Variants in GRM1 observed in about 807,000 individuals in gnomAD.
GRM1 encodes metabotropic glutamate receptor 1.
In GRM1, 33 loss-of-function variants were observed where a neutral mutation model predicts 90.9. The observed-to-expected ratio is 0.36, with a 90% confidence interval of 0.28 to 0.49. GRM1 has a LOEUF of 0.49. Among genes scored for constraint, GRM1 ranks in the 20% least tolerant of loss-of-function variants. The pLI, the probability that GRM1 is intolerant of heterozygous loss-of-function variation, is 0.99. For synonymous variants in GRM1, 700 were observed against 613.2 expected (o/e 1.14, Z -2.09); for missense variants, 1,190 against 1,534.3 (o/e 0.78, Z 3.75).
chr6:146,393,614 G>A (rs1216870082), intron 6 of GRM1, among the ~76,000 whole-genome samples: 9 of 151,944 alleles, frequency 5.9e-5, no homozygotes. Flanking sequence ...AAGGAAGTAA[G>A]AGGACACAAA....
At chr6:146,203,486 A>G (rs1289346628) in intron 2 of GRM1, among the ~76,000 whole-genome samples, 1 of 152,188 alleles carries the variant, frequency 6.6e-6, no homozygotes, top group Non-Finnish European at 1.5e-5. Context: ...TTCATCAACT[A>G]GAACTTAGCC....
At chr6:146,291,520 C>G (rs573046810) in intron 2 of GRM1, among the ~76,000 whole-genome samples, 2 of 151,634 alleles carry the variant, frequency 1.3e-5, no homozygotes, top group South Asian at 4.1e-4. Flanking sequence ...TGTTATTATT[C>G]TAAGAAAGTC....
chr6:146,183,676 C>G (rs1011044335), intron 2 of GRM1, among the ~76,000 whole-genome samples: 1 of 152,086 alleles, frequency 6.6e-6, no homozygotes, highest in African/African-American at 2.4e-5. Context: ...TTGTGTCTTT[C>G]TTAAGTAACT....
intron 1 of GRM1, among the ~76,000 whole-genome samples, chr6:146,132,271 A>C (rs916773096): frequency 6.6e-6 from 1 of 151,948 alleles, no homozygotes; most frequent in African/African-American, 2.4e-5. Context: ...GGAGAGGAAA[A>C]ACAGTGGATG....
chr6:146,165,316 CAT>C (rs1166033217), intron 2 of GRM1, among the ~76,000 whole-genome samples: 1 of 152,026 alleles, frequency 6.6e-6, no homozygotes, highest in Non-Finnish European at 1.5e-5. Flanking sequence ...ATCCTTGAAA[CAT>C]AAGATTATAT....
At chr6:146,373,589 G>A (rs1008575268) in intron 5 of GRM1, among the ~76,000 whole-genome samples, 2 of 152,080 alleles carry the variant, frequency 1.3e-5, no homozygotes, top group Admixed American at 1.3e-4. Flanking sequence ...GGGGATGGGG[G>A]CGGACACAGA....
At chr6:146,062,794 C>T (rs1775719674) in intron 1 of GRM1, among the ~76,000 whole-genome samples, 1 of 152,060 alleles carries the variant, frequency 6.6e-6, no homozygotes, top group Non-Finnish European at 1.5e-5. Flanking sequence ...CTACAATCTG[C>T]TCTTATTCTG....
chr6:146,038,381 G>A (rs573627409), intron 1 of GRM1, among the ~76,000 whole-genome samples: 4 of 152,026 alleles, frequency 2.6e-5, no homozygotes, highest in Non-Finnish European at 4.4e-5. Flanking sequence ...TGCTTAGAGA[G>A]CTATCAGGGT....
intron 7 of GRM1, chr6:146,426,719 T>C (rs1324578056): frequency 2.7e-6 from 2 of 727,934 alleles, no homozygotes; most frequent in African/African-American, 1.7e-5. Context: ...CTTTCTAACA[T>C]GGAAACAGAT....
intron 5 of GRM1, among the ~76,000 whole-genome samples, chr6:146,379,912 C>T (rs527959913): frequency 6.7e-6 from 1 of 149,292 alleles, no homozygotes; most frequent in African/African-American, 2.5e-5. Flanking sequence ...CTTACTTTCT[C>T]TCAAACATAC....
At chr6:146,341,368 C>T (rs1784974907) in intron 3 of GRM1, among the ~76,000 whole-genome samples, 1 of 152,178 alleles carries the variant, frequency 6.6e-6, no homozygotes, top group South Asian at 2.1e-4. Context: ...GGGACCACTC[C>T]TATTTCATCT....
chr6:146,383,380 G>A (rs1776388988), intron 5 of GRM1, among the ~76,000 whole-genome samples: 1 of 152,142 alleles, frequency 6.6e-6, no homozygotes, highest in Non-Finnish European at 1.5e-5. Flanking sequence ...GAAAGATACA[G>A]CTGGTTGAAG....
Position 146,399,768 on chromosome 6 carries a change from TC to T in GRM1, c.2660+70del. ...CTGTCTCTTTCTCTCTCTCTCTCTC[TC>T]TCTCTTTCTCTGTCTCTCATATCTT... On this transcript the variant is annotated intron_variant, in intron 7 of 7. Coordinates refer to ENST00000282753, the MANE Select transcript of GRM1 (RefSeq NM_001278064.2). This position sits in a 1 kb window ranked among gnomAD's most constrained non-coding sequence, Gnocchi z 5.4. 2 of 1,059,400 alleles carry T rather than the reference TC, an allele frequency of 1.9e-6. No individual in the cohort carries two copies. The highest frequency in any genetic ancestry group is 1.4e-6 in the Non-Finnish European group (1 of 712,434). 65.6% of individuals were successfully genotyped at this position (1,059,400 alleles called of 1,614,324 possible).
At chr6:146,373,227 CT>C (rs1411335090) in intron 5 of GRM1, among the ~76,000 whole-genome samples, 3 of 152,116 alleles carry the variant, frequency 2.0e-5, no homozygotes, top group Non-Finnish European at 2.9e-5. Context: ...GTGTATTAGT[CT>C]GTTCTCCCAC....
intron 2 of GRM1, among the ~76,000 whole-genome samples, chr6:146,276,858 T>A (rs138390733): frequency 1.3e-3 from 200 of 152,296 alleles, no homozygotes; most frequent in African/African-American, 4.5e-3. Context: ...CCCAGCACTT[T>A]GGGAAGCTGA....
At chr6:146,146,233 C>T (rs1777098379) in intron 1 of GRM1, among the ~76,000 whole-genome samples, 1 of 146,406 alleles carries the variant, frequency 6.8e-6, no homozygotes, top group Non-Finnish European at 1.5e-5. Flanking sequence ...GGACTACAGG[C>T]AACCATCACC....
intron 2 of GRM1, among the ~76,000 whole-genome samples, chr6:146,299,702 A>G (rs1783306041): frequency 6.6e-6 from 1 of 152,158 alleles, no homozygotes; most frequent in South Asian, 2.1e-4. Flanking sequence ...ATTCATCTGA[A>G]TACTTGTGGG....
At chr6:146,120,087 T>C (rs2128876889) in intron 1 of GRM1, among the ~76,000 whole-genome samples, 1 of 152,338 alleles carries the variant, frequency 6.6e-6, no homozygotes, top group South Asian at 2.1e-4. Context: ...GGAGTGTTCT[T>C]CCATTTGTTT....
chr6:146,420,505 C>T (rs796871765), intron 7 of GRM1, among the ~76,000 whole-genome samples: 20 of 152,314 alleles, frequency 1.3e-4, no homozygotes, highest in African/African-American at 4.8e-4. Context: ...AGCAGTGCCC[C>T]TCTACTTAGG....
Sources: gnomAD v4.1 joint callset for allele counts (sites outside exome capture counted in the v4.1 genomes callset) on GRCh38, gnomAD v4.1.1 for gene constraint, Gnocchi (gnomAD v3.1) non-coding constraint, MANE v1.5 for transcripts, NCBI Gene and HGNC (gene_info 2026-07-23, HGNC 2026-07-21) for gene names.